Variants in TNR observed in about 807,000 individuals in gnomAD.
TNR encodes the protein tenascin R.
TNR carries 45 observed loss-of-function variants against 150.4 expected under a neutral mutation model. The observed-to-expected ratio is 0.30, with a 90% CI of 0.24 to 0.38. The LOEUF (loss-of-function observed/expected upper bound fraction) is 0.38. TNR is among the 10% of genes least tolerant of loss of function. The probability of loss-of-function intolerance (pLI) is 1.00; values close to 1 mark genes in which losing one functional copy is unlikely to be tolerated. For synonymous variants in TNR, 687 were observed against 678.4 expected, an observed-to-expected ratio of 1.01 and a Z score of -0.20; for missense variants, 1,544 against 1,759.1, an observed-to-expected ratio of 0.88 and a Z score of 2.19.
chr1:175,392,765 G>A (rs1038349010), intron 6 of TNR, among the ~76,000 whole-genome samples: 11 of 152,154 alleles, frequency 7.2e-5, no homozygotes, highest in African/African-American at 2.4e-4. Context: ...CCAGGTACTC[G>A]TTTTAAGCCT....
chr1:175,517,681 T>C (rs1054694346), intron 2 of TNR, among the ~76,000 whole-genome samples: 6 of 152,192 alleles, frequency 3.9e-5, no homozygotes, highest in Admixed American at 3.9e-4. Flanking sequence ...TTAGTATAGT[T>C]AGTCAAAAAG....
At chr1:175,329,647 T>C (rs539089715) in intron 21 of TNR, among the ~76,000 whole-genome samples, 1 of 152,352 alleles carries the variant, frequency 6.6e-6, no homozygotes, top group East Asian at 1.9e-4. Flanking sequence ...CTGGATGTCA[T>C]TGCATGGGAG....
chr1:175,330,404 T>A, intron 20 of TNR, 169 bp from the exon 21 acceptor site: 1 of 656,774 alleles, frequency 1.5e-6, no homozygotes, highest in Non-Finnish European at 2.3e-6. Context: ...CCTGCCAGAC[T>A]GAATTTCTTC....
intron 1 of TNR, among the ~76,000 whole-genome samples, chr1:175,600,381 G>C (rs1045619848): frequency 2.0e-5 from 3 of 152,202 alleles, no homozygotes; most frequent in Admixed American, 2.0e-4. Context: ...TTCCATTGCA[G>C]TATGTGGAAC....
At chr1:175,710,255 G>A (rs924500628) in intron 1 of TNR, among the ~76,000 whole-genome samples, 8 of 152,094 alleles carry the variant, frequency 5.3e-5, no homozygotes, top group African/African-American at 1.9e-4. Context: ...AGGACATGGG[G>A]AGTGCGTAGA....
At chr1:175,595,463 A>T (rs1571654841) in intron 1 of TNR, among the ~76,000 whole-genome samples, 1 of 152,208 alleles carries the variant, frequency 6.6e-6, no homozygotes, top group Admixed American at 6.5e-5. Flanking sequence ...AGAGTTTGTC[A>T]TCAAAAATTG....
intron 1 of TNR, among the ~76,000 whole-genome samples, chr1:175,692,038 G>A (rs189162659): frequency 7.9e-5 from 12 of 152,138 alleles, no homozygotes; most frequent in African/African-American, 2.4e-4. Flanking sequence ...ACTTTGCATC[G>A]GCAAAGTAGT....
intron 12 of TNR, 75 bp downstream of exon 12, chr1:175,364,935 T>A: frequency 6.6e-7 from 1 of 1,507,178 alleles, no homozygotes; most frequent in Non-Finnish European, 8.9e-7. Flanking sequence ...CTTTCTCTTT[T>A]AAAATTTCAT....
rs1304992679 is a variant in TNR at position 175,530,856 on chromosome 1, T to C, written c.-164-2487A>G. Among the ~76,000 whole-genome samples, 45 of 152,182 alleles carry C rather than the reference T, an allele frequency of 3.0e-4. 1 individual carries two copies. The highest frequency in any genetic ancestry group is 4.4e-5 in the Non-Finnish European group (3 of 68,038). On this transcript the variant is annotated intron_variant, in intron 1 of 22. Transcript: ENST00000367674. ...CCTTTCACGCTCATTTAACCACATATATACATATGTGAATGTGGATATGTG... is the reference window on the plus strand; with the variant it reads ...CCTTTCACGCTCATTTAACCACATACATACATATGTGAATGTGGATATGTG...
intron 1 of TNR, among the ~76,000 whole-genome samples, chr1:175,692,994 G>A (rs1369037530): frequency 1.3e-5 from 2 of 152,170 alleles, no homozygotes; most frequent in Non-Finnish European, 2.9e-5. Context: ...ACTGTTCCAG[G>A]TGCTTGCAAT....
intron 1 of TNR, among the ~76,000 whole-genome samples, chr1:175,643,378 C>G (rs1226572232): frequency 1.4e-4 from 22 of 152,208 alleles, no homozygotes; most frequent in Admixed American, 1.4e-3. Context: ...CACTGGGCCA[C>G]AGTGGTATTT....
intron 1 of TNR, among the ~76,000 whole-genome samples, chr1:175,694,188 T>A (rs1327016532): frequency 6.6e-6 from 1 of 152,228 alleles, no homozygotes; most frequent in African/African-American, 2.4e-5. Flanking sequence ...TACCATACAG[T>A]ATCCCAAGGG....
chr1:175,739,202 A>C (rs1289786749), intron 1 of TNR, among the ~76,000 whole-genome samples: 1 of 152,170 alleles, frequency 6.6e-6, no homozygotes, highest in Non-Finnish European at 1.5e-5. Context: ...TGTTATAATA[A>C]GGTCTCCAAA....
intron 1 of TNR, among the ~76,000 whole-genome samples, chr1:175,546,923 T>A (rs1259823588): frequency 1.3e-5 from 2 of 152,184 alleles, no homozygotes; most frequent in Non-Finnish European, 2.9e-5. Context: ...TTTTCCCAGA[T>A]AAGGAACTGG....
chr1:175,685,983 T>C (rs1349441373), intron 1 of TNR, among the ~76,000 whole-genome samples: 1 of 152,188 alleles, frequency 6.6e-6, no homozygotes, highest in African/African-American at 2.4e-5. Context: ...ATAAGCATTA[T>C]GGCTCCTTTT....
rs1651664504 is a variant in TNR at position 175,362,817 on chromosome 1, A to C, written c.2708-8T>G. ...AGCTGTCTAGTCGTCCCACTGGAGA[A>C]GAGAAGAATCTACAGTTAAAATTCA... On this transcript the variant is annotated splice_polypyrimidine_tract_variant and splice_region_variant and intron_variant, in intron 13 of 22. Coordinates refer to ENST00000367674, the MANE Select transcript of TNR (RefSeq NM_003285.3). 1.9e-6 allele frequency: 3 copies of C among 1,613,822 alleles called. No individual in the cohort carries two copies. Among genetic ancestry groups the C allele is most frequent in the African/African-American group, 1.3e-5 (1 of 74,912 alleles).
intron 20 of TNR, among the ~76,000 whole-genome samples, chr1:175,330,998 ATTCTTTCTTTCTTTCTTTCTTTCTTTCT>A (rs764826338): frequency 2.1e-4 from 15 of 72,826 alleles, no homozygotes; most frequent in African/African-American, 5.6e-4. Context: ...CCTCTTGGTG[ATTCTTTCTTTCTTTCTTTCTTTCTTTCT>A]TTCTTTCTTT....
chr1:175,723,342 A>G (rs1435862898), intron 1 of TNR, among the ~76,000 whole-genome samples: 1 of 152,174 alleles, frequency 6.6e-6, no homozygotes, highest in Non-Finnish European at 1.5e-5. Flanking sequence ...AAGGACTTTC[A>G]TAGGAGCTCA....
intron 1 of TNR, among the ~76,000 whole-genome samples, chr1:175,653,971 A>C (rs576761423): frequency 6.6e-6 from 1 of 152,312 alleles, no homozygotes; most frequent in Admixed American, 6.5e-5. Flanking sequence ...GTAATTTAAC[A>C]TTAGGGGGCC....
Sources: gnomAD v4.1 joint callset for allele counts (sites outside exome capture counted in the v4.1 genomes callset) on GRCh38, gnomAD v4.1.1 for gene constraint, MANE v1.5 for transcripts, NCBI Gene and HGNC (gene_info 2026-07-23, HGNC 2026-07-21) for gene names.